Variants in SYNPR observed in about 807,000 individuals in gnomAD.
SYNPR encodes the protein synaptoporin.
SYNPR carries 23 observed loss-of-function variants against 32.9 expected under a neutral mutation model. That is an observed-to-expected ratio of 0.70 (90% CI 0.50 to 0.99). The LOEUF (loss-of-function observed/expected upper bound fraction) is 0.99, where lower values mean the gene tolerates loss of function less well. Among genes scored for constraint, SYNPR ranks in the 50% least tolerant of loss-of-function variants. The probability of loss-of-function intolerance (pLI) is 0.00; values close to 1 mark genes in which losing one functional copy is unlikely to be tolerated. For synonymous variants in SYNPR, 146 were observed against 135.9 expected, an observed-to-expected ratio of 1.07 and a Z score of -0.52; for missense variants, 318 against 349.3, an observed-to-expected ratio of 0.91 and a Z score of 0.71.
At chr3:63,379,420 T>C (rs894016442) in intron 2 of SYNPR, among the ~76,000 whole-genome samples, 1 of 152,164 alleles carries the variant, frequency 6.6e-6, no homozygotes, top group East Asian at 1.9e-4. Flanking sequence ...GAGGTGTTAA[T>C]GTCCCTAAAA....
At chr3:63,332,055 T>C (rs974495544) in intron 2 of SYNPR, among the ~76,000 whole-genome samples, 1 of 152,220 alleles carries the variant, frequency 6.6e-6, no homozygotes, top group African/African-American at 2.4e-5. Context: ...CTGAGGCATG[T>C]TCCTTTCAAA....
chr3:63,515,917 C>T (rs1701790042), intron 3 of SYNPR, among the ~76,000 whole-genome samples: 1 of 152,104 alleles, frequency 6.6e-6, no homozygotes, highest in South Asian at 2.1e-4. Flanking sequence ...GAGGATCCCT[C>T]CTACACATAT....
chr3:63,320,389 T>G (rs1379958175), intron 2 of SYNPR, among the ~76,000 whole-genome samples: 1 of 152,092 alleles, frequency 6.6e-6, no homozygotes, highest in African/African-American at 2.4e-5. Flanking sequence ...CACCATATCT[T>G]TTGAAAACAT....
intron 3 of SYNPR, among the ~76,000 whole-genome samples, chr3:63,482,337 A>C (rs1207564561): frequency 6.6e-6 from 1 of 152,220 alleles, no homozygotes; most frequent in Non-Finnish European, 1.5e-5. Context: ...TCTGAAACAA[A>C]TATAGTTAAT....
At chr3:63,417,983 T>G (rs2088563709) in intron 2 of SYNPR, among the ~76,000 whole-genome samples, 1 of 152,218 alleles carries the variant, frequency 6.6e-6, no homozygotes. Flanking sequence ...CCTCATTACT[T>G]ATGCAAATTT....
the SYNPR span, among the ~76,000 whole-genome samples, chr3:63,208,179 G>A: frequency 6.6e-6 from 1 of 152,092 alleles, no homozygotes; most frequent in African/African-American, 2.4e-5. Context: ...TAAAGAGATG[G>A]TTGTGTTAAT....
At chr3:63,330,469 AAG>A (rs1427273564) in intron 2 of SYNPR, among the ~76,000 whole-genome samples, 1 of 151,920 alleles carries the variant, frequency 6.6e-6, no homozygotes, top group African/African-American at 2.4e-5. Context: ...TATTTATAGA[AAG>A]AGTCTCACCT....
chr3:63,359,011 T>C (rs1254108554), intron 2 of SYNPR, among the ~76,000 whole-genome samples: 1 of 152,238 alleles, frequency 6.6e-6, no homozygotes, highest in Non-Finnish European at 1.5e-5. Flanking sequence ...TAGTCTTCCA[T>C]TATTTTTTAA....
At chr3:63,412,074 G>A (rs372536762) in intron 2 of SYNPR, among the ~76,000 whole-genome samples, 1 of 152,072 alleles carries the variant, frequency 6.6e-6, no homozygotes, top group Non-Finnish European at 1.5e-5. Flanking sequence ...ATTGGAGATA[G>A]AGTTAGGAAG....
At chr3:63,360,517 A>G (rs895567499) in intron 2 of SYNPR, among the ~76,000 whole-genome samples, 3 of 152,230 alleles carry the variant, frequency 2.0e-5, no homozygotes, top group Non-Finnish European at 4.4e-5. Flanking sequence ...TATTACGTTA[A>G]AAGTAAAACC....
chr3:63,382,194 C>T (rs148371666), intron 2 of SYNPR, among the ~76,000 whole-genome samples: 3 of 152,192 alleles, frequency 2.0e-5, no homozygotes. Flanking sequence ...GGAGGGGTGC[C>T]TCATTACTGC....
chr3:63,350,379 T>C lies in SYNPR; in HGVS notation c.84+71637T>C, dbSNP rs78688564. Among the ~76,000 whole-genome samples the C allele has an allele frequency of 1.4e-4, 21 of 152,298 alleles. No homozygotes were observed. In the East Asian group the frequency reaches 4.1e-3, roughly 29 times the overall value. ...CTCATTGGACCTGCTACAAGCCCTG[T>C]GCTGGGGATTGAGATCAAGTGATGA... On this transcript the variant is annotated intron_variant, in intron 2 of 5. Coordinates refer to ENST00000478300, the MANE Select transcript of SYNPR (RefSeq NM_001130003.2).
intron 2 of SYNPR, among the ~76,000 whole-genome samples, chr3:63,326,886 G>T (rs2087174079): frequency 6.6e-6 from 1 of 151,956 alleles, no homozygotes; most frequent in African/African-American, 2.4e-5. Flanking sequence ...TTTAAGAAGT[G>T]TAATTTGGAA....
chr3:63,379,134 A>C (rs2087932581), intron 2 of SYNPR, among the ~76,000 whole-genome samples: 1 of 152,058 alleles, frequency 6.6e-6, no homozygotes, highest in African/African-American at 2.4e-5. Context: ...TCTGTTATTG[A>C]ATTTCTAGTT....
At chr3:63,516,293 A>G (rs145769896) in intron 3 of SYNPR, among the ~76,000 whole-genome samples, 7 of 152,188 alleles carry the variant, frequency 4.6e-5, no homozygotes, top group African/African-American at 7.2e-5. Flanking sequence ...CACTGGATCA[A>G]TCGGCTTTCT....
intron 2 of SYNPR, among the ~76,000 whole-genome samples, chr3:63,396,509 T>C (rs1413403888): frequency 6.6e-6 from 1 of 152,192 alleles, no homozygotes; most frequent in Non-Finnish European, 1.5e-5. Context: ...ACCTCTTTTT[T>C]AGCCAACATC....
chr3:63,376,911 T>A (rs187377389), intron 2 of SYNPR, among the ~76,000 whole-genome samples: 240 of 152,280 alleles, frequency 1.6e-3, no homozygotes, highest in Admixed American at 3.5e-3. Context: ...ATTGTATTCC[T>A]AGAGCATAAA....
chr3:63,289,130 A>T (rs1256416626), intron 2 of SYNPR, among the ~76,000 whole-genome samples: 1 of 152,208 alleles, frequency 6.6e-6, no homozygotes, highest in Non-Finnish European at 1.5e-5. Flanking sequence ...GTAACTGAGG[A>T]AGAGGTTGTT....
At chr3:63,294,488 C>A (rs2106934276) in intron 2 of SYNPR, among the ~76,000 whole-genome samples, 1 of 152,296 alleles carries the variant, frequency 6.6e-6, no homozygotes, top group Non-Finnish European at 1.5e-5. Context: ...ATTCATAAAG[C>A]AATAGCCAAG....
Sources: allele counts gnomAD v4.1 joint callset (sites outside exome capture counted in the v4.1 genomes callset), GRCh38; gene constraint gnomAD v4.1.1; transcripts MANE v1.5; gene names NCBI Gene and HGNC (gene_info 2026-07-23, HGNC 2026-07-21).